NEGR1: variants seen among roughly 807,000 people sequenced by gnomAD.
The protein encoded by NEGR1 is IgLON family member 4.
In NEGR1, 10 loss-of-function variants were observed where a neutral mutation model predicts 40.9. The ratio of observed to expected loss-of-function variants is 0.24; its 90% CI spans 0.15 to 0.42. The LOEUF (loss-of-function observed/expected upper bound fraction) is 0.42. NEGR1 is among the 10% of genes least tolerant of loss of function. The pLI is 1.00. For synonymous variants in NEGR1, 185 were observed against 166.8 expected (o/e 1.11, Z -0.84); for missense variants, 352 against 438.9 (o/e 0.80, Z 1.77).
At chr1:71,521,639 C>T (rs1647157961) in intron 6 of NEGR1, among the ~76,000 whole-genome samples, 2 of 151,966 alleles carry the variant, frequency 1.3e-5, no homozygotes. Flanking sequence ...GGAAACAGGA[C>T]TACATTTTTC....
intron 1 of NEGR1, among the ~76,000 whole-genome samples, chr1:71,999,123 A>G (rs1646532097): frequency 6.6e-6 from 1 of 151,988 alleles, no homozygotes; most frequent in Non-Finnish European, 1.5e-5. Context: ...ACAGATGTCA[A>G]TTTCTGAAAT....
At chr1:72,061,777 G>A (rs1196697409) in intron 1 of NEGR1, among the ~76,000 whole-genome samples, 1 of 151,792 alleles carries the variant, frequency 6.6e-6, no homozygotes, top group Non-Finnish European at 1.5e-5. Flanking sequence ...GCCTCATCAT[G>A]ATTCTTTATG....
At chr1:71,575,814 CAAAAACA>C (rs1264511877) in intron 6 of NEGR1, among the ~76,000 whole-genome samples, 1 of 145,078 alleles carries the variant, frequency 6.9e-6, no homozygotes, top group African/African-American at 2.5e-5. Flanking sequence ...CAAAACAAAA[CAAAAACA>C]AAAAACAAAA....
At chr1:72,155,583 A>C (rs1651327846) in intron 1 of NEGR1, among the ~76,000 whole-genome samples, 3 of 152,096 alleles carry the variant, frequency 2.0e-5, no homozygotes, top group South Asian at 4.1e-4. Context: ...TAAAATATGT[A>C]TCTTCATTGT....
intron 6 of NEGR1, among the ~76,000 whole-genome samples, chr1:71,576,648 A>G (rs1396940910): frequency 2.6e-5 from 4 of 152,254 alleles, no homozygotes; most frequent in African/African-American, 9.6e-5. Context: ...TAAGATAACC[A>G]CAATTTTAGG....
At chr1:71,541,344 T>C (rs112266165) in intron 6 of NEGR1, among the ~76,000 whole-genome samples, 184 of 151,902 alleles carry the variant, frequency 1.2e-3, no homozygotes, top group African/African-American at 4.2e-3. Flanking sequence ...AGAAAGCCCT[T>C]AATTTCTAGC....
chr1:72,173,638 G>A (rs1557562397), intron 1 of NEGR1, among the ~76,000 whole-genome samples: 1 of 151,784 alleles, frequency 6.6e-6, no homozygotes, highest in African/African-American at 2.4e-5. Flanking sequence ...AAATAATAAA[G>A]GATAGATGAA....
intron 1 of NEGR1, among the ~76,000 whole-genome samples, chr1:72,252,175 G>GGCTCACCACAACCTCCATCTC (rs1655124700): frequency 3.3e-5 from 5 of 151,262 alleles, no homozygotes; most frequent in African/African-American, 9.8e-5. Context: ...GGGCGATGTA[G>GGCTCACCACAACCTCCATCTC]CTGGGATTAT....
intron 3 of NEGR1, among the ~76,000 whole-genome samples, chr1:71,747,633 C>A (rs941950249): frequency 4.6e-5 from 7 of 152,066 alleles, no homozygotes; most frequent in Admixed American, 2.6e-4. Context: ...CCATGTTGGC[C>A]AGTCTGGTCT....
chr1:71,801,907 A>G (rs1417525724), intron 2 of NEGR1, among the ~76,000 whole-genome samples: 2 of 152,190 alleles, frequency 1.3e-5, no homozygotes, highest in African/African-American at 4.8e-5. Flanking sequence ...TGTTTTAGAG[A>G]ACATATATAT....
chr1:72,245,345 A>G (rs928411441), intron 1 of NEGR1, among the ~76,000 whole-genome samples: 4 of 152,090 alleles, frequency 2.6e-5, no homozygotes, highest in African/African-American at 9.7e-5. Context: ...AAAGAAATGT[A>G]TAGGTCCAAA....
chr1:71,417,760 A>G (rs537926644), intron 6 of NEGR1, among the ~76,000 whole-genome samples: 1 of 152,290 alleles, frequency 6.6e-6, no homozygotes, highest in Non-Finnish European at 1.5e-5. Flanking sequence ...TGAAGTGTTT[A>G]TTGAAGTGCT....
intron 1 of NEGR1, among the ~76,000 whole-genome samples, chr1:72,085,852 C>T (rs1460761240): frequency 2.6e-5 from 4 of 151,278 alleles, no homozygotes; most frequent in Non-Finnish European, 5.9e-5. Flanking sequence ...CACCTGTAGA[C>T]CCAGCTACTC....
At chr1:71,960,124 T>C (rs1215302657) in intron 1 of NEGR1, among the ~76,000 whole-genome samples, 2 of 152,158 alleles carry the variant, frequency 1.3e-5, no homozygotes, top group African/African-American at 2.4e-5. Context: ...CATTCACATA[T>C]GGTACTCTTT....
intron 1 of NEGR1, among the ~76,000 whole-genome samples, chr1:71,936,637 A>C (rs1645907971): frequency 6.6e-6 from 1 of 152,238 alleles, no homozygotes. Flanking sequence ...AGGGAACTAC[A>C]AATAACCATG....
chr1:71,609,552 A>AAAAAAAAAAAAC (rs1650182644), intron 5 of NEGR1, among the ~76,000 whole-genome samples: 1 of 142,278 alleles, frequency 7.0e-6, no homozygotes, highest in South Asian at 2.2e-4. Context: ...AAAAAAAAAA[A>AAAAAAAAAAAAC]AAAAGAAATG....
chr1:71,819,244 T>C (rs1211824295), intron 2 of NEGR1, among the ~76,000 whole-genome samples: 1 of 151,986 alleles, frequency 6.6e-6, no homozygotes, highest in Non-Finnish European at 1.5e-5. Context: ...GGAAAAGACC[T>C]AGTAATTAGA....
At chr1:72,037,594 G>T (rs1267133924) in intron 1 of NEGR1, among the ~76,000 whole-genome samples, 3 of 151,992 alleles carry the variant, frequency 2.0e-5, no homozygotes, top group African/African-American at 7.2e-5. Context: ...GTCATTTTTT[G>T]TCATGCTTTC....
intron 2 of NEGR1, among the ~76,000 whole-genome samples, chr1:71,877,705 G>A: frequency 6.6e-6 from 1 of 152,018 alleles, no homozygotes; most frequent in East Asian, 1.9e-4. Flanking sequence ...AAAATTAGCT[G>A]TGGTTTTAAT....
Sources: gnomAD v4.1 joint callset for allele counts (sites outside exome capture counted in the v4.1 genomes callset) on GRCh38, gnomAD v4.1.1 for gene constraint, MANE v1.5 for transcripts, NCBI Gene and HGNC (gene_info 2026-07-23, HGNC 2026-07-21) for gene names.